The following DMD variants were observed in gnomAD, a reference collection of about 807,000 sequenced individuals.
DMD encodes dystrophin, also known as mutant dystrophin.
In DMD, 63 loss-of-function variants were observed where a neutral mutation model predicts 330.1. The ratio of observed to expected loss-of-function variants is 0.19; its 90% confidence interval spans 0.16 to 0.24. The LOEUF is 0.24. Among genes scored for constraint, DMD ranks in the 10% least tolerant of loss-of-function variants. The pLI is 1.00. For missense variants in DMD, 3,344 were observed against 2,684.1 expected (o/e 1.25, Z -5.43); for synonymous variants, 1,223 against 959.8 (o/e 1.27, Z -5.07).
At chrX:32,788,301 T>C (rs1168828276) in intron 7 of DMD, among the ~76,000 whole-genome samples, 5 of 111,934 alleles carry the variant, frequency 4.5e-5, no homozygotes, top group Admixed American at 3.8e-4. Flanking sequence ...TTTTGTCCTA[T>C]GTGACAACAA....
At chrX:32,721,379 T>G (rs977508439) in intron 7 of DMD, among the ~76,000 whole-genome samples, 1 of 110,500 alleles carries the variant, frequency 9.0e-6, no homozygotes, top group African/African-American at 3.3e-5. Flanking sequence ...TGTTATCTCA[T>G]CTTTTAGATA....
chrX:33,087,593 T>C (rs1194245128), intron 1 of DMD, among the ~76,000 whole-genome samples: 1 of 112,183 alleles, frequency 8.9e-6, no homozygotes, highest in Non-Finnish European at 1.9e-5. Flanking sequence ...GCTGAGGCTT[T>C]AAAATTAGAA....
At chrX:31,470,901 C>T (rs987254139) in intron 59 of DMD, among the ~76,000 whole-genome samples, 12 of 112,234 alleles carry the variant, frequency 1.1e-4, no homozygotes, top group African/African-American at 2.3e-4. Context: ...TGCCGAGCTG[C>T]GGTGAGCTCC....
At chrX:32,100,531 CT>C (rs1322820006) in intron 44 of DMD, among the ~76,000 whole-genome samples, 1 of 110,407 alleles carries the variant, frequency 9.1e-6, no homozygotes, top group East Asian at 2.9e-4. Flanking sequence ...TAGATTTACG[CT>C]TTTTCAAAGC....
chrX:31,565,708 G>A (rs974366887), intron 55 of DMD, among the ~76,000 whole-genome samples: 1 of 111,830 alleles, frequency 8.9e-6, no homozygotes, highest in Admixed American at 9.5e-5. Flanking sequence ...TTGCTACAGT[G>A]GCTGTACCAT....
At chrX:31,969,299 T>C (rs1298844600) in intron 44 of DMD, among the ~76,000 whole-genome samples, 2 of 111,814 alleles carry the variant, frequency 1.8e-5, no homozygotes, top group Non-Finnish European at 3.8e-5. Context: ...AAAAATGCTT[T>C]TTACCATTAA....
At chrX:32,377,394 A>G (rs1489977925) in intron 34 of DMD, among the ~76,000 whole-genome samples, 1 of 111,926 alleles carries the variant, frequency 8.9e-6, no homozygotes, top group Non-Finnish European at 1.9e-5. Flanking sequence ...AGAAGTCAAC[A>G]TATTTTGAGT....
chrX:33,029,750 G>A (rs984858426), intron 1 of DMD, among the ~76,000 whole-genome samples: 2 of 111,950 alleles, frequency 1.8e-5, no homozygotes, highest in Non-Finnish European at 3.8e-5. Flanking sequence ...AGAATTAATC[G>A]AAGTTGCATG....
intron 55 of DMD, among the ~76,000 whole-genome samples, chrX:31,539,184 T>G (rs1047119772): frequency 8.9e-6 from 1 of 111,895 alleles, no homozygotes; most frequent in African/African-American, 3.2e-5. Context: ...CAGAGCTGAC[T>G]GACTAGCCAT....
At chrX:32,013,500 T>G (rs907564167) in intron 44 of DMD, among the ~76,000 whole-genome samples, 1 of 112,197 alleles carries the variant, frequency 8.9e-6, no homozygotes, top group African/African-American at 3.2e-5. Context: ...GTCTAATAGG[T>G]GTAAGTTCTT....
At chrX:31,396,933 C>T (rs5927746) in intron 60 of DMD, among the ~76,000 whole-genome samples, 27,996 of 110,248 alleles carry the variant, frequency 0.25, 2,845 homozygotes, top group South Asian at 0.41. Context: ...ATATAGTCCC[C>T]GTGAAAGGCA....
intron 21 of DMD, among the ~76,000 whole-genome samples, chrX:32,479,023 C>G (rs1360104266): frequency 9.0e-6 from 1 of 111,512 alleles, no homozygotes; most frequent in Non-Finnish European, 1.9e-5. Context: ...TAAGTATAAA[C>G]TACCACACTA....
chrX:33,294,227 A>G (rs765067907), intron 1 of DMD, among the ~76,000 whole-genome samples: 56 of 110,928 alleles, frequency 5.0e-4, no homozygotes, highest in Non-Finnish European at 8.7e-4. Context: ...CATTTGCTAT[A>G]TGCTCTTAAG....
intron 41 of DMD, among the ~76,000 whole-genome samples, chrX:32,326,258 T>A (rs1015306774): frequency 8.9e-6 from 1 of 112,156 alleles, no homozygotes; most frequent in African/African-American, 3.2e-5. Flanking sequence ...AACAATTTCA[T>A]ATACCTGCAA....
At chrX:31,669,370 G>C (rs2081613997) in intron 53 of DMD, among the ~76,000 whole-genome samples, 1 of 112,053 alleles carries the variant, frequency 8.9e-6, no homozygotes, top group Non-Finnish European at 1.9e-5. Context: ...TAGTGATGTT[G>C]AGCATTTTTC....
chrX:32,364,964 T>C (rs2097849376), intron 35 of DMD, 56 bp downstream of exon 35: 1 of 1,163,665 alleles, frequency 8.6e-7, no homozygotes, highest in Non-Finnish European at 1.2e-6. Context: ...TGGTCACTTA[T>C]GTATCTTTTT....
At chrX:32,275,301 C>T (rs144009104) in intron 43 of DMD, among the ~76,000 whole-genome samples, 101 of 111,794 alleles carry the variant, frequency 9.0e-4, no homozygotes, top group Middle Eastern at 4.6e-3. Flanking sequence ...TTGTTTTTCT[C>T]GAAGTTTATG....
chrX:32,937,236 G>T (rs1400822497), intron 2 of DMD, among the ~76,000 whole-genome samples: 2 of 110,518 alleles, frequency 1.8e-5, no homozygotes. Context: ...TCCAGCAGAA[G>T]CTCTGGTCTA....
intron 43 of DMD, among the ~76,000 whole-genome samples, chrX:32,241,159 T>C (rs774623612): frequency 9.0e-4 from 101 of 112,317 alleles, no homozygotes; most frequent in African/African-American, 3.2e-3. Context: ...ATGTTTTCGA[T>C]TGTCATTTCT....
Sources: allele counts gnomAD v4.1 joint callset (sites outside exome capture counted in the v4.1 genomes callset), GRCh38; gene constraint gnomAD v4.1.1; transcripts MANE v1.5; gene names NCBI Gene and HGNC (gene_info 2026-07-23, HGNC 2026-07-21).